GOLGA3: variants seen among roughly 807,000 people sequenced by gnomAD.
GOLGA3 encodes golgin A3.
A neutral mutation model predicts 169.4 loss-of-function variants in GOLGA3; 75 were observed. The ratio of observed to expected loss-of-function variants is 0.44; its 90% confidence interval spans 0.37 to 0.54. The LOEUF is 0.54. Ranked by LOEUF, GOLGA3 falls within the 20% of genes least tolerant of loss-of-function variation. GOLGA3 has a pLI of 0.00. For synonymous variants in GOLGA3, 824 were observed against 822.4 expected, an observed-to-expected ratio of 1.00 and a Z score of -0.03; for missense variants, 1,899 against 1,930.0, an observed-to-expected ratio of 0.98 and a Z score of 0.30.
At position 132,800,134 on chromosome 12, in the gene GOLGA3, A is replaced by C. The variant is rs1029228160; in HGVS notation, c.1800+1633T>G. ...GCTGTAAAAAAGTGTATTAATTTGT[A>C]TACTGATTTGTTTCCAAGCTATGTT... On this transcript the variant is annotated intron_variant, in intron 8 of 23. Coordinates refer to ENST00000450791, the MANE Select transcript of GOLGA3 (RefSeq NM_001389683.1). Among the ~76,000 whole-genome samples the C allele has an allele frequency of 3.3e-5, 5 of 152,314 alleles. 1 individual carries two copies. Among genetic ancestry groups the C allele is most frequent in the Middle Eastern group, 6.8e-3 (2 of 294 alleles).
intron 4 of GOLGA3, chr12:132,811,706 C>T (rs1949713553): frequency 6.6e-6 from 1 of 151,156 alleles, no homozygotes; most frequent in African/African-American, 2.4e-5. Flanking sequence ...AAGCAATCCG[C>T]CCGCCCCACC....
chr12:132,822,291 A>G lies in GOLGA3; in HGVS notation c.-163T>C. ...ATGACTCACAAATGACTTGATGTCA[A>G]ACCAGCTAATATCATGATACCTGAC... is the stretch of plus-strand genomic sequence containing the variant. On this transcript the variant is annotated 5_prime_UTR_variant, in exon 2 of 24. Coordinates refer to ENST00000450791, the MANE Select transcript of GOLGA3 (RefSeq NM_001389683.1). The G allele has an allele frequency of 1.5e-6, 2 of 1,374,974 alleles. No homozygotes were observed. Among genetic ancestry groups the G allele is most frequent in the Non-Finnish European group, 1.9e-6 (2 of 1,069,906 alleles). 85.2% of individuals were successfully genotyped at this position (1,374,974 alleles called of 1,614,324 possible). A position where few individuals can be genotyped will look rare whatever the true frequency, so the allele number is the denominator to read the frequency against.
At chr12:132,786,850 G>T in intron 13 of GOLGA3, 63 bp from the exon 14 acceptor site, 2 of 1,158,744 alleles carry the variant, frequency 1.7e-6, no homozygotes, top group Non-Finnish European at 2.6e-6. Flanking sequence ...TCCCCTTCCT[G>T]GCTCCAGCCC....
Position 132,808,149 on chromosome 12 carries a change from A to C in GOLGA3, c.920T>G (p.Val307Gly). 1 of 1,611,686 alleles carries C rather than the reference A, an allele frequency of 6.2e-7. No individual in the cohort carries two copies. Among genetic ancestry groups the C allele is most frequent in the Non-Finnish European group, 8.5e-7 (1 of 1,178,512 alleles). Reference protein sequence around the residue: ...LENTSLAGDSVSEVDGNDSDS... With the variant: ...LENTSLAGDSGSEVDGNDSDS... Reference sequence around the variant, plus strand: ...GCTGTCATTTCCATCCACCTCAGACACGCTGTCTCCAGCCAGGGAGGTGTT... The same window carrying C: ...GCTGTCATTTCCATCCACCTCAGACCCGCTGTCTCCAGCCAGGGAGGTGTT... Residue 307 changes from valine (V) to glycine (G), a missense_variant, in exon 5 of 24, where the codon GTG becomes GGG. Val to Gly is a moderately radical substitution (Grantham distance 109, BLOSUM62 -3). Coordinates refer to ENST00000450791, the MANE Select transcript of GOLGA3 (RefSeq NM_001389683.1).
At chr12:132,824,419 T>A (rs1041328026) in intron 1 of GOLGA3, among the ~76,000 whole-genome samples, 6 of 152,256 alleles carry the variant, frequency 3.9e-5, no homozygotes, top group Non-Finnish European at 7.3e-5. Context: ...AGGTTACGTA[T>A]GCTATTAGTG....
chr12:132,816,570 G>C lies in GOLGA3; in HGVS notation c.376C>G (p.Leu126Val). The change falls in exon 3 of 24, where the codon CTC becomes GTC. Residue 126 changes from leucine (L) to valine (V), a missense_variant. Coordinates refer to ENST00000450791, the MANE Select transcript of GOLGA3 (RefSeq NM_001389683.1). ...VRKEALQSLR[L>V]SLPMQETQLC... ...TGCGTTTCTTGCATAGGAAGACTGA[G>C]TCTGAGAGACTGCAAAGCTTCTTTT... 6.2e-7 allele frequency: 1 copy of C among 1,614,018 alleles called. No individual in the cohort carries two copies. The highest frequency in any genetic ancestry group is 8.5e-7 in the Non-Finnish European group (1 of 1,179,968).
Position 132,804,646 on chromosome 12 carries a change from A to C in GOLGA3, c.1597+70T>G. Reference sequence around the variant, plus strand: ...GAAGGAGGAGGGCGTGGCGGGGGCCAGTCGAGGAAGGAGGAGGGAGCAGCA... The same window carrying C: ...GAAGGAGGAGGGCGTGGCGGGGGCCCGTCGAGGAAGGAGGAGGGAGCAGCA... On this transcript the variant is annotated intron_variant, in intron 7 of 23. Coordinates refer to ENST00000450791, the MANE Select transcript of GOLGA3 (RefSeq NM_001389683.1). The surrounding 1 kb of genome is among the most constrained non-coding windows in gnomAD (Gnocchi z 4.1). The C allele has an allele frequency of 7.7e-7, 1 of 1,306,994 alleles. No homozygotes were observed. Among genetic ancestry groups the C allele is most frequent in the Non-Finnish European group, 1.1e-6 (1 of 926,882 alleles). The allele number at this position is 1,306,994 out of a possible 1,614,324, so 81.0% of individuals were successfully genotyped here. A position where few individuals can be genotyped will look rare whatever the true frequency, so the allele number is the denominator to read the frequency against.
Position 132,776,681 on chromosome 12 carries a change from C to CCGTCAAGTCCAGCTGCTGCTT in GOLGA3, c.3910_3930dup (p.Lys1304_Thr1310dup). 1 of 1,614,138 alleles carries CCGTCAAGTCCAGCTGCTGCTT rather than the reference C, an allele frequency of 6.2e-7. No individual in the cohort carries two copies. Among genetic ancestry groups the CCGTCAAGTCCAGCTGCTGCTT allele is most frequent in the Non-Finnish European group, 8.5e-7 (1 of 1,180,034 alleles). On this transcript the variant is annotated inframe_insertion, in exon 21 of 24. Transcript: ENST00000450791. ...TCCAGTTCCTTCCTGCCCTGCTGCTCCGTCAAGTCCAGCTGCTGCTTCAAG... is the reference window on the plus strand; with the variant it reads ...TCCAGTTCCTTCCTGCCCTGCTGCTCCGTCAAGTCCAGCTGCTGCTTCGTCAAGTCCAGCTGCTGCTTCAAG...
At chr12:132,814,904 C>T (rs993113667) in intron 3 of GOLGA3, among the ~76,000 whole-genome samples, 6 of 152,246 alleles carry the variant, frequency 3.9e-5, no homozygotes, top group African/African-American at 1.4e-4. Flanking sequence ...CCCAGGGCTC[C>T]ACTTCCCAGG....
intron 3 of GOLGA3, among the ~76,000 whole-genome samples, chr12:132,814,432 G>A (rs1191122496): frequency 6.6e-6 from 1 of 152,218 alleles, no homozygotes; most frequent in Non-Finnish European, 1.5e-5. Flanking sequence ...TGGCTTCACA[G>A]CAGGTTCTCG....
At chr12:132,788,187 T>C in intron 13 of GOLGA3, among the ~76,000 whole-genome samples, 1 of 151,760 alleles carries the variant, frequency 6.6e-6, no homozygotes, top group East Asian at 1.9e-4. Context: ...TTTCCAACAA[T>C]GATGGTGCCG....
At position 132,828,130 on chromosome 12, in the gene GOLGA3, G is replaced by A. The variant is rs539462188; in HGVS notation, c.-184+673C>T. ...CACAATTTTGCCTGGCTTGCTTCTCGTCATAGAGGCCTTAGCACGGAAGTC... is the reference window on the plus strand; with the variant it reads ...CACAATTTTGCCTGGCTTGCTTCTCATCATAGAGGCCTTAGCACGGAAGTC... On this transcript the variant is annotated intron_variant, in intron 1 of 23. Coordinates refer to ENST00000450791, the MANE Select transcript of GOLGA3 (RefSeq NM_001389683.1). 3.3e-5 allele frequency among the ~76,000 whole-genome samples: 5 copies of A among 152,186 alleles called. 1 individual carries two copies. Among genetic ancestry groups the A allele is most frequent in the African/African-American group, 7.2e-5 (3 of 41,512 alleles).
rs1593228079 is a variant in GOLGA3, at chr12:132,777,325, C to G, written c.3723-235G>C. ...AGATCCCAGAGACTCACTTTGCCGG[C>G]ACCCCTCACAGATCCCAGAGAGTGC... On this transcript the variant is annotated intron_variant, in intron 19 of 23. Transcript: ENST00000450791. This position sits in a 1 kb window ranked among gnomAD's most constrained non-coding sequence, Gnocchi z 4.7. Among the ~76,000 whole-genome samples the G allele has an allele frequency of 6.6e-6, 1 of 152,164 alleles. No homozygotes were observed. The highest frequency in any genetic ancestry group is 2.1e-4 in the South Asian group (1 of 4,826).
At chr12:132,796,746 G>C in intron 9 of GOLGA3, 46 bp from the exon 10 acceptor site, 1 of 1,582,814 alleles carries the variant, frequency 6.3e-7, no homozygotes, top group African/African-American at 1.3e-5. Context: ...AACCTTAATA[G>C]TGAACAGCAG....
chr12:132,770,838 T>C lies in GOLGA3; in HGVS notation c.*2267A>G, dbSNP rs1030914999. 2.0e-5 allele frequency: 3 copies of C among 152,252 alleles called. No individual in the cohort carries two copies. The highest frequency in any genetic ancestry group is 7.2e-5 in the African/African-American group (3 of 41,458). 9.4% of individuals were successfully genotyped at this position (152,252 alleles called of 1,614,324 possible). On this transcript the variant is annotated 3_prime_UTR_variant, in exon 24 of 24. Transcript: ENST00000450791. ...TTAGTAAAGACGGGGTTTTGCCATG[T>C]TGGCCAGGATGGTCTGGACCTCTTG...
intron 11 of GOLGA3, among the ~76,000 whole-genome samples, chr12:132,792,784 G>C (rs112876721): frequency 9.8e-6 from 1 of 101,570 alleles, no homozygotes; most frequent in African/African-American, 3.7e-5. Context: ...ACCTGCACTC[G>C]GAGGGCTCCA....
intron 5 of GOLGA3, 117 bp downstream of exon 5, chr12:132,807,759 TGCCCACCCCGCCCCC>T: frequency 2.2e-6 from 1 of 448,530 alleles, no homozygotes. Context: ...TGCCCGTCTC[TGCCCACCCCGCCCCC>T]TCTGTTGGCC....
rs1320429331 is a variant in GOLGA3 at position 132,808,273 on chromosome 12, G to T, written c.796C>A (p.Pro266Thr). 4 of 1,614,084 alleles carry T rather than the reference G, an allele frequency of 2.5e-6. No individual in the cohort carries two copies. The highest frequency in any genetic ancestry group is 3.4e-6 in the Non-Finnish European group (4 of 1,180,016). Residue 266 changes from proline to threonine, a missense_variant, in exon 5 of 24, where the codon CCC becomes ACC. Coordinates refer to ENST00000450791, the MANE Select transcript of GOLGA3 (RefSeq NM_001389683.1). ...TTCAGGGAACCCTTGGTAGAATCGG[G>T]AGCCGGGACATTTCCCCCAGAATTC... The part of the protein sequence containing the change: ...AGNSGGNVPA[P>T]DSTKGSLKQN...
intron 17 of GOLGA3, 76 bp downstream of exon 17, chr12:132,782,220 G>A (rs759336880): frequency 9.1e-5 from 117 of 1,290,084 alleles, no homozygotes; most frequent in Non-Finnish European, 1.3e-4. Context: ...ACTGAATCTG[G>A]ATGAGATTCT....
Sources: allele counts gnomAD v4.1 joint callset (sites outside exome capture counted in the v4.1 genomes callset), GRCh38; gene constraint gnomAD v4.1.1; non-coding constraint Gnocchi (gnomAD v3.1); transcripts MANE v1.5; gene names NCBI Gene and HGNC (gene_info 2026-07-23, HGNC 2026-07-21).